Variants in FOXK2 observed in about 807,000 individuals in gnomAD.
FOXK2 encodes the protein forkhead box protein K2.
Under a neutral mutation model 53.3 loss-of-function variants are expected in FOXK2, and 24 were observed. The ratio of observed to expected loss-of-function variants is 0.45; its 90% CI spans 0.33 to 0.63. The LOEUF is 0.63. FOXK2 is among the 30% of genes least tolerant of loss of function. The pLI, the probability that FOXK2 is intolerant of heterozygous loss-of-function variation, is 0.03. For missense variants in FOXK2, 952 were observed against 910.5 expected, an observed-to-expected ratio of 1.05 and a Z score of -0.59; for synonymous variants, 505 against 407.1, an observed-to-expected ratio of 1.24 and a Z score of -2.89.
At chr17:82,551,210 G>A (rs1291807178) in intron 1 of FOXK2, among the ~76,000 whole-genome samples, 1 of 152,016 alleles carries the variant, frequency 6.6e-6, no homozygotes, top group African/African-American at 2.4e-5. Context: ...CTAGCTACTC[G>A]GGAGGCTGAG....
chr17:82,533,592 C>T (rs912442418), intron 1 of FOXK2, among the ~76,000 whole-genome samples: 2 of 152,100 alleles, frequency 1.3e-5, no homozygotes, highest in Non-Finnish European at 2.9e-5. Context: ...TACTTTCATA[C>T]GGCTGTTCGC....
At chr17:82,563,314 G>A in intron 1 of FOXK2, 40 bp from the exon 2 acceptor site, 1 of 1,586,804 alleles carries the variant, frequency 6.3e-7, no homozygotes, top group South Asian at 1.2e-5. Flanking sequence ...GCCCCGGCTG[G>A]AACAGCAAAA....
intron 1 of FOXK2, among the ~76,000 whole-genome samples, chr17:82,561,618 G>C (rs1293352102): frequency 1.3e-5 from 2 of 152,294 alleles, no homozygotes; most frequent in South Asian, 4.1e-4. Context: ...CGTCCTGCGT[G>C]TGCCTCACGG....
At chr17:82,598,080 T>C (rs982058345) in intron 8 of FOXK2, among the ~76,000 whole-genome samples, 8 of 146,212 alleles carry the variant, frequency 5.5e-5, no homozygotes, top group Admixed American at 1.4e-4. Context: ...CGTCATCTCA[T>C]TGACCATTTC....
chr17:82,593,434 GCGCCCCCCT>G (rs2045276750), intron 8 of FOXK2: 1 of 152,504 alleles, frequency 6.6e-6, no homozygotes, highest in Non-Finnish European at 1.5e-5. Flanking sequence ...ATGAAGCCCC[GCGCCCCCCT>G]GGCGGAGCCC....
At chr17:82,567,422 G>T (rs752149502) in intron 2 of FOXK2, among the ~76,000 whole-genome samples, 2 of 152,198 alleles carry the variant, frequency 1.3e-5, no homozygotes, top group African/African-American at 4.8e-5. Flanking sequence ...CGTCCAGCCC[G>T]GTGGGAAAAA....
intron 7 of FOXK2, 30 bp from the exon 8 acceptor site, chr17:82,587,033 T>A (rs765406602): frequency 1.2e-6 from 2 of 1,601,406 alleles, no homozygotes; most frequent in Non-Finnish European, 1.7e-6. Flanking sequence ...TCCAGTAATA[T>A]TAATGTCGTT....
intron 8 of FOXK2, among the ~76,000 whole-genome samples, chr17:82,598,647 C>G (rs1039083449): frequency 7.2e-5 from 11 of 152,376 alleles, no homozygotes; most frequent in Admixed American, 3.3e-4. Flanking sequence ...GAGCCTGTCC[C>G]TTGGTGACAG....
chr17:82,545,646 A>T (rs564217144), intron 1 of FOXK2, among the ~76,000 whole-genome samples: 9 of 149,426 alleles, frequency 6.0e-5, no homozygotes, highest in African/African-American at 2.2e-4. Context: ...CAGTGGCACG[A>T]TCTTGGCTCA....
rs577248134 is a variant in FOXK2, at chr17:82,589,336, G to A, written c.1786+2064G>A. On this transcript the variant is annotated intron_variant, in intron 8 of 8. Transcript: ENST00000335255. ...TCACATTCCCTAACAGGTTTTGTACGAGTCACATACTTTAGGCTTAAATGT... is the reference window on the plus strand; with the variant it reads ...TCACATTCCCTAACAGGTTTTGTACAAGTCACATACTTTAGGCTTAAATGT... 1.3e-3 allele frequency among the ~76,000 whole-genome samples: 200 copies of A among 152,266 alleles called. 1 individual carries two copies. The highest frequency in any genetic ancestry group is 4.3e-3 in the African/African-American group (178 of 41,530).
At chr17:82,570,530 A>G (rs556686079) in intron 3 of FOXK2, among the ~76,000 whole-genome samples, 14 of 152,154 alleles carry the variant, frequency 9.2e-5, no homozygotes, top group Non-Finnish European at 1.3e-4. Flanking sequence ...GCCCACTCTG[A>G]GCTGTCAGCG....
chr17:82,522,316 A>G (rs1218666527), intron 1 of FOXK2, among the ~76,000 whole-genome samples: 2 of 151,202 alleles, frequency 1.3e-5, no homozygotes, highest in African/African-American at 2.4e-5. Context: ...GGTGTGAGCT[A>G]TGATCTCACC....
At chr17:82,586,985 G>A (rs1031812606) in intron 7 of FOXK2, 78 bp from the exon 8 acceptor site, 8 of 1,332,768 alleles carry the variant, frequency 6.0e-6, no homozygotes, top group Admixed American at 1.7e-5. Context: ...TAGCTATCTG[G>A]TTATTATGTT....
chr17:82,539,144 G>A (rs556470685), intron 1 of FOXK2, among the ~76,000 whole-genome samples: 3 of 150,480 alleles, frequency 2.0e-5, no homozygotes, highest in South Asian at 2.1e-4. Context: ...TAAGGTGGCC[G>A]GGCGTGGTGG....
intron 5 of FOXK2, among the ~76,000 whole-genome samples, 174 bp downstream of exon 5, chr17:82,583,108 T>C (rs1340910152): frequency 1.3e-5 from 2 of 152,226 alleles, no homozygotes; most frequent in Non-Finnish European, 2.9e-5. Context: ...CTGGTTCTAG[T>C]GGCTGAAACA....
rs536358948 is a variant in FOXK2, at chr17:82,560,172, A to AT, written c.420-3173dup. Among the ~76,000 whole-genome samples the AT allele has an allele frequency of 4.9e-3, 738 of 149,556 alleles. 1 individual carries two copies. The highest frequency in any genetic ancestry group is 5.8e-3 in the Non-Finnish European group (392 of 67,288). ...ACGTGTGTGCCACCATGCCTGGCTT[A>AT]TTTTTTTTTGTATTTTTAGTAGAGA... is the stretch of plus-strand genomic sequence containing the variant. On this transcript the variant is annotated intron_variant, in intron 1 of 8. Coordinates refer to ENST00000335255, the MANE Select transcript of FOXK2 (RefSeq NM_004514.4).
chr17:82,587,614 T>C, intron 8 of FOXK2: 1 of 373,272 alleles, frequency 2.7e-6, no homozygotes, highest in South Asian at 2.3e-5. Context: ...GCGCGCCCTG[T>C]GGCCTGTGGC....
intron 1 of FOXK2, among the ~76,000 whole-genome samples, chr17:82,545,735 G>T (rs916519051): frequency 6.6e-6 from 1 of 151,930 alleles, no homozygotes; most frequent in Non-Finnish European, 1.5e-5. Context: ...GTACGCACCA[G>T]CACACCTGGC....
chr17:82,537,789 G>A (rs2044535202), intron 1 of FOXK2, among the ~76,000 whole-genome samples: 1 of 151,758 alleles, frequency 6.6e-6, no homozygotes, highest in African/African-American at 2.4e-5. Flanking sequence ...GGGCGTGGTG[G>A]TACACGCCTG....
Sources: gnomAD v4.1 joint callset for allele counts (sites outside exome capture counted in the v4.1 genomes callset) on GRCh38, gnomAD v4.1.1 for gene constraint, MANE v1.5 for transcripts, NCBI Gene and HGNC (gene_info 2026-07-23, HGNC 2026-07-21) for gene names.